The following SHANK2 variants were observed in gnomAD, a reference collection of about 807,000 sequenced individuals.
The protein encoded by SHANK2 is SH3 and multiple ankyrin repeat domains 2.
A neutral mutation model predicts 133.7 loss-of-function variants in SHANK2; 43 were observed. The ratio of observed to expected loss-of-function variants is 0.32; its 90% CI spans 0.25 to 0.41. The LOEUF (loss-of-function observed/expected upper bound fraction) is 0.41. Ranked by LOEUF, SHANK2 falls within the 10% of genes least tolerant of loss-of-function variation. SHANK2 has a pLI of 1.00. For missense variants in SHANK2, 1,994 were observed against 2,235.8 expected (o/e 0.89, Z 2.18); for synonymous variants, 1,017 against 952.8 (o/e 1.07, Z -1.24).
chr11:71,106,464 AG>A (rs1555097922), intron 6 of SHANK2, among the ~76,000 whole-genome samples: 1 of 152,152 alleles, frequency 6.6e-6, no homozygotes, highest in Non-Finnish European at 1.5e-5. Context: ...ATTAGCCCAG[AG>A]GCTTGTCATC....
chr11:71,119,386 C>T (rs1167450431), intron 3 of SHANK2, among the ~76,000 whole-genome samples: 5 of 152,142 alleles, frequency 3.3e-5, no homozygotes, highest in African/African-American at 1.2e-4. Context: ...TCAAGACCAT[C>T]CTAGCCAACA....
In SHANK2 at chr11:70,489,231, A is replaced by T; in HGVS notation, c.2572+97T>A. 4.0e-6 allele frequency: 5 copies of T among 1,261,802 alleles called. No homozygotes were observed. In the Admixed American group the frequency reaches 6.7e-5, roughly 17 times the overall value. The allele number at this position is 1,261,802 out of a possible 1,614,324, so 78.2% of individuals were successfully genotyped here. A position where few individuals can be genotyped will look rare whatever the true frequency, so the allele number is the denominator to read the frequency against. On this transcript the variant is annotated intron_variant, in intron 24 of 25. Coordinates refer to ENST00000601538, the MANE Select transcript of SHANK2 (RefSeq NM_012309.5). Reference sequence around the variant, plus strand: ...AGTCACTCTGAGTTGGCTGTCTGGCAATTCTGTTCCCAAGGAGTACTAATT... The same window carrying T: ...AGTCACTCTGAGTTGGCTGTCTGGCTATTCTGTTCCCAAGGAGTACTAATT...
intron 17 of SHANK2, among the ~76,000 whole-genome samples, chr11:70,615,719 G>A (rs1473196601): frequency 2.6e-5 from 4 of 152,342 alleles, no homozygotes; most frequent in Admixed American, 6.5e-5. Flanking sequence ...TAAGCGGCGC[G>A]TGGTGAACCT....
chr11:71,139,930 C>A (rs4945100), intron 3 of SHANK2, among the ~76,000 whole-genome samples: 1 of 151,602 alleles, frequency 6.6e-6, no homozygotes, highest in Admixed American at 6.6e-5. Context: ...CGGACAGCAG[C>A]GGAGGAGGGG....
intron 17 of SHANK2, chr11:70,635,335 CAA>C (rs1555003549): frequency 6.6e-6 from 1 of 152,216 alleles, no homozygotes; most frequent in African/African-American, 2.4e-5. Flanking sequence ...AACAGACACA[CAA>C]AAGGTGGTGT....
chr11:70,522,305 TTTGA>T (rs782309765), intron 17 of SHANK2, among the ~76,000 whole-genome samples: 6 of 152,242 alleles, frequency 3.9e-5, no homozygotes, highest in Non-Finnish European at 8.8e-5. Context: ...TCTATCTAGA[TTTGA>T]TTGATTGGCA....
intron 2 of SHANK2, among the ~76,000 whole-genome samples, chr11:71,206,295 G>A (rs550349405): frequency 6.6e-6 from 1 of 152,296 alleles, no homozygotes; most frequent in Admixed American, 6.5e-5. Flanking sequence ...CGCACACCCG[G>A]ATCTCCTCTG....
chr11:70,679,154 C>T (rs533960809), intron 15 of SHANK2, among the ~76,000 whole-genome samples: 7 of 152,352 alleles, frequency 4.6e-5, no homozygotes, highest in Admixed American at 6.5e-5. Flanking sequence ...AGGCCGGGTA[C>T]GCACACCATG....
intron 11 of SHANK2, 55 bp downstream of exon 11, chr11:70,896,446 C>A (rs1565390943): frequency 1.0e-5 from 7 of 680,598 alleles, no homozygotes; most frequent in Middle Eastern, 2.4e-4. Context: ...GTGACTGATT[C>A]CTCAGAGCAT....
chr11:71,223,564 T>C (rs561598128), intron 2 of SHANK2, among the ~76,000 whole-genome samples: 2 of 152,288 alleles, frequency 1.3e-5, no homozygotes, highest in South Asian at 4.2e-4. Context: ...AGTACTTAGG[T>C]TATATGAAAA....
chr11:71,172,645 C>T (rs1213908831), intron 2 of SHANK2, among the ~76,000 whole-genome samples: 5 of 151,804 alleles, frequency 3.3e-5, no homozygotes, highest in Non-Finnish European at 7.4e-5. Context: ...AAAGAAACAC[C>T]GTGAGCAGCA....
At chr11:70,518,687 A>G (rs2059295377) in intron 17 of SHANK2, among the ~76,000 whole-genome samples, 3 of 152,180 alleles carry the variant, frequency 2.0e-5, no homozygotes, top group Admixed American at 2.0e-4. Context: ...GGTGCCGGGC[A>G]TACCCACGCC....
chr11:71,159,040 T>C (rs1413817500), intron 2 of SHANK2, among the ~76,000 whole-genome samples: 1 of 152,224 alleles, frequency 6.6e-6, no homozygotes, highest in Non-Finnish European at 1.5e-5. Flanking sequence ...TTCTGGCTTC[T>C]CAATAAATGC....
intron 17 of SHANK2, among the ~76,000 whole-genome samples, chr11:70,534,899 G>A (rs782585003): frequency 7.9e-5 from 12 of 151,796 alleles, no homozygotes; most frequent in African/African-American, 2.4e-4. Flanking sequence ...AAGCTGCTTC[G>A]GCCCAACAGA....
chr11:70,626,482 C>G (rs1222382442), intron 17 of SHANK2, among the ~76,000 whole-genome samples: 3 of 152,186 alleles, frequency 2.0e-5, no homozygotes, highest in Admixed American at 2.0e-4. Context: ...GTTCGACAAC[C>G]CCCAGGTGGC....
At chr11:70,826,529 C>G (rs781827834) in intron 11 of SHANK2, 1 of 471,038 alleles carries the variant, frequency 2.1e-6, no homozygotes, top group Non-Finnish European at 4.4e-6. Flanking sequence ...GGCAGCGGTC[C>G]GCTCATTATA....
At chr11:71,185,507 C>G (rs2135559970) in intron 2 of SHANK2, among the ~76,000 whole-genome samples, 1 of 152,312 alleles carries the variant, frequency 6.6e-6, no homozygotes, top group African/African-American at 2.4e-5. Context: ...CCTGACCATT[C>G]TTGGGCATGA....
chr11:70,948,160 G>A (rs114670725), intron 10 of SHANK2: 123 of 401,762 alleles, frequency 3.1e-4, no homozygotes, highest in African/African-American at 1.8e-3. Flanking sequence ...CACAGAAGCC[G>A]CCCTCGGCTC....
rs1230035644 is a variant in SHANK2, at chr11:70,543,970, T to A, written c.2062-41039A>T. 2.0e-5 allele frequency among the ~76,000 whole-genome samples: 3 copies of A among 152,226 alleles called. No homozygotes were observed. The East Asian group carries it at 5.8e-4, about 29-fold the overall frequency. ...TCATCTGGCCACTGAGGGCTCTGTG[T>A]GGATTGCGTTGAGAGAGTATAGTGG... is the stretch of plus-strand genomic sequence containing the variant. On this transcript the variant is annotated intron_variant, in intron 17 of 25. Transcript: ENST00000601538.
Sources: allele counts gnomAD v4.1 joint callset (sites outside exome capture counted in the v4.1 genomes callset), GRCh38; gene constraint gnomAD v4.1.1; transcripts MANE v1.5; gene names NCBI Gene and HGNC (gene_info 2026-07-23, HGNC 2026-07-21).